TGFB1I1: variants seen among roughly 807,000 people sequenced by gnomAD.
TGFB1I1 encodes transforming growth factor beta 1 induced transcript 1, also known as transforming growth factor beta-1-induced transcript 1 protein.
A neutral mutation model predicts 52.0 loss-of-function variants in TGFB1I1; 33 were observed. The ratio of observed to expected loss-of-function variants is 0.63; its 90% CI spans 0.48 to 0.85. The LOEUF (loss-of-function observed/expected upper bound fraction) is 0.85, where lower values mean the gene tolerates loss of function less well. Ranked by LOEUF, TGFB1I1 falls within the 40% of genes least tolerant of loss-of-function variation. The pLI is 0.00. For synonymous variants in TGFB1I1, 236 were observed against 253.3 expected (o/e 0.93, Z 0.65); for missense variants, 577 against 614.9 (o/e 0.94, Z 0.65).
chr16:31,476,373 TCTCCCC>T lies in TGFB1I1; in HGVS notation c.889-100_889-95del. On this transcript the variant is annotated intron_variant, in intron 8 of 10. Transcript: ENST00000394863. The surrounding 1 kb of genome is among the most constrained non-coding windows in gnomAD (Gnocchi z 7.6). ...GACCCCCACGTTCCTAGTTAGATCT[TCTCCCC>T]CTCCCCCCACGCATGCCTTAGTCCA... is the stretch of plus-strand genomic sequence containing the variant. 1 of 1,275,728 alleles carries T rather than the reference TCTCCCC, an allele frequency of 7.8e-7. No individual in the cohort carries two copies. The highest frequency in any genetic ancestry group is 1.1e-6 in the Non-Finnish European group (1 of 915,890). 79.0% of individuals were successfully genotyped at this position (1,275,728 alleles called of 1,614,324 possible). A position where few individuals can be genotyped will look rare whatever the true frequency, so the allele number is the denominator to read the frequency against.
In TGFB1I1 at chr16:31,477,032, G is replaced by A. The variant is rs932207389; in HGVS notation, c.1119+22G>A. On this transcript the variant is annotated intron_variant, in intron 10 of 10. Transcript: ENST00000394863. This position sits in a 1 kb window ranked among gnomAD's most constrained non-coding sequence, Gnocchi z 4.7. ...CAGGGTGCGAGCTGCGGGGCGGGGC[G>A]TTGGAGGGGCGGGTCAAGGGTACAG... 6.6e-7 allele frequency: 1 copy of A among 1,520,728 alleles called. No individual in the cohort carries two copies. The highest frequency in any genetic ancestry group is 8.9e-7 in the Non-Finnish European group (1 of 1,129,390). 94.2% of individuals were successfully genotyped at this position (1,520,728 alleles called of 1,614,324 possible). A position where few individuals can be genotyped will look rare whatever the true frequency, so the allele number is the denominator to read the frequency against.
At position 31,473,450 on chromosome 16, in the gene TGFB1I1, T is replaced by A. The variant is rs767968110; in HGVS notation, c.23T>A (p.Leu8His). Reference protein sequence around the residue: MEDLDALLSDLETTTSHM... With the variant: MEDLDALHSDLETTTSHM... The stretch of plus-strand genomic sequence containing the variant: ...TGGCCTCTTCCTGCAGATGCCCTGC[T>A]CTCTGACCTGGAGACTACCACCTCG... Residue 8 changes from leucine to histidine, a missense_variant, in exon 2 of 11, where the codon CTC becomes CAC. Leu to His is a moderately conservative substitution (Grantham distance 99). Around this residue, in one of 3 missense-constraint regions of TGFB1I1, gnomAD observed 113 missense variants for 123.9 expected, o/e 0.91. Coordinates refer to ENST00000394863, the MANE Select transcript of TGFB1I1 (RefSeq NM_001042454.3). The A allele has an allele frequency of 1.9e-6, 3 of 1,613,624 alleles. No individual in the cohort carries two copies. Among genetic ancestry groups the A allele is most frequent in the Non-Finnish European group, 2.5e-6 (3 of 1,179,854 alleles).
Position 31,476,925 on chromosome 16 carries a change from G to T in TGFB1I1, c.1034G>T (p.Arg345Leu), listed in dbSNP as rs1208466519. ...RRDFLQLFAP[R>L]CQGCQGPILD... ...GACTTCCTGCAGCTGTTCGCCCCGC[G>T]CTGCCAGGGCTGCCAGGGCCCCATC... is the stretch of plus-strand genomic sequence containing the variant. Residue 345 changes from arginine (R) to leucine (L), a missense_variant, in exon 10 of 11, where the codon CGC becomes CTC. Arg to Leu is a moderately radical substitution (Grantham distance 102). Around this residue, in one of 3 missense-constraint regions of TGFB1I1, gnomAD observed 456 missense variants for 461.6 expected, o/e 0.99. Transcript: ENST00000394863. This position sits in a 1 kb window ranked among gnomAD's most constrained non-coding sequence, Gnocchi z 7.6. 3.1e-6 allele frequency: 5 copies of T among 1,605,024 alleles called. No individual in the cohort carries two copies. Among genetic ancestry groups the T allele is most frequent in the Non-Finnish European group, 3.4e-6 (4 of 1,178,424 alleles).
In TGFB1I1 at chr16:31,476,883, G is replaced by A. The variant is rs2082427786; in HGVS notation, c.992G>A (p.Arg331His). The change falls in exon 10 of 11, where the codon CGC becomes CAC. Residue 331 changes from arginine (R) to histidine (H), a missense_variant. Physicochemically the swap from Arg to His is conservative, Grantham distance 29. This residue lies in a region of TGFB1I1 where 456 missense variants were observed against 461.6 expected (regional missense o/e 0.99). Transcript: ENST00000394863. The surrounding 1 kb of genome is among the most constrained non-coding windows in gnomAD (Gnocchi z 7.6). ...GDEGFHEREG[R>H]PYCRRDFLQL... ...CTAGGTTTCCACGAGCGCGAGGGCC[G>A]CCCCTACTGCCGCCGGGACTTCCTG... 1 of 1,611,050 alleles carries A rather than the reference G, an allele frequency of 6.2e-7. No homozygotes were observed. The highest frequency in any genetic ancestry group is 1.7e-4 in the Middle Eastern group (1 of 6,058).
rs2082434287 is a variant in TGFB1I1, at chr16:31,477,501, G to C, written c.1311G>C (p.Pro437=). The C allele has an allele frequency of 6.2e-7, 1 of 1,608,936 alleles. No individual in the cohort carries two copies. Among genetic ancestry groups the C allele is most frequent in the Non-Finnish European group, 8.5e-7 (1 of 1,178,270 alleles). The change falls in exon 11 of 11, where the codon CCG becomes CCC. Residue 437 remains proline, a synonymous_variant. Transcript: ENST00000394863. This position sits in a 1 kb window ranked among gnomAD's most constrained non-coding sequence, Gnocchi z 4.7. ...DHFTCTFCLR[P]LTKGSFQERA... ...TCACATGCACCTTCTGCCTGCGCCC[G>C]CTCACCAAGGGGTCCTTCCAGGAGC... is the stretch of plus-strand genomic sequence containing the variant.
At position 31,477,103 on chromosome 16, in the gene TGFB1I1, A is replaced by AGGGGGCGGGCCCTCGG. The variant is rs1447117254; in HGVS notation, c.1119+103_1119+118dup. 7 of 334,910 alleles carry AGGGGGCGGGCCCTCGG rather than the reference A, an allele frequency of 2.1e-5. No homozygotes were observed. In the African/African-American group the frequency reaches 2.3e-4, roughly 11 times the overall value. 20.7% of individuals were successfully genotyped at this position (334,910 alleles called of 1,614,324 possible). ...GAGGGGCGGGTCAAGGGTGCAGGGC[A>AGGGGGCGGGCCCTCGG]GGGGGCGGGCCCTCGGGGGGGCGGG... On this transcript the variant is annotated intron_variant, in intron 10 of 10. Transcript: ENST00000394863. The surrounding 1 kb of genome is among the most constrained non-coding windows in gnomAD (Gnocchi z 4.7).
At chr16:31,472,359 TCTCCCTTCCTGCCTTTCCTGGGCCGGCCG>T in intron 1 of TGFB1I1, 158 bp downstream of exon 1, 1 of 1,210,686 alleles carries the variant, frequency 8.3e-7, no homozygotes, top group Non-Finnish European at 1.1e-6. Context: ...CCTTCCTGCC[TCTCCCTTCCTGCCTTTCCTGGGCCGGCCG>T]CTCCCTCCCT....
In TGFB1I1 at chr16:31,472,195, G is replaced by A; in HGVS notation, c.7G>A (p.Asp3Asn). 7.4e-6 allele frequency: 11 copies of A among 1,495,790 alleles called. No individual in the cohort carries two copies. The highest frequency in any genetic ancestry group is 9.8e-6 in the Non-Finnish European group (11 of 1,123,164). The allele number at this position is 1,495,790 out of a possible 1,614,324, so 92.7% of individuals were successfully genotyped here. A position where few individuals can be genotyped will look rare whatever the true frequency, so the allele number is the denominator to read the frequency against. Residue 3 changes from aspartate to asparagine, a missense_variant, in exon 1 of 11, where the codon GAC (aspartate) becomes AAC (asparagine). Asp to Asn is a conservative substitution (Grantham distance 23). Around this residue, in one of 3 missense-constraint regions of TGFB1I1, gnomAD observed 113 missense variants for 123.9 expected, o/e 0.91. Transcript: ENST00000394863. ME[D>N]LDALLSDLET... ...CACCGGCCCGCGCCCCGCCATGGAG[G>A]ACCTGGGTGAGTGGGGCCGGATCCC... is the stretch of plus-strand genomic sequence containing the variant.
intron 1 of TGFB1I1, 23 bp downstream of exon 1, chr16:31,472,224 G>T: frequency 6.7e-7 from 1 of 1,488,830 alleles, no homozygotes; most frequent in South Asian, 1.3e-5. Flanking sequence ...GGATCCCCGG[G>T]TCCGTGGCCC....
At chr16:31,475,116 C>A in intron 7 of TGFB1I1, 1 of 272,800 alleles carries the variant, frequency 3.7e-6, no homozygotes, top group Non-Finnish European at 7.1e-6. Flanking sequence ...ACTGGGTTCA[C>A]TGGTCCTTGT....
intron 1 of TGFB1I1, chr16:31,473,148 G>A (rs2082400921): frequency 8.6e-7 from 1 of 1,161,312 alleles, no homozygotes; most frequent in Non-Finnish European, 1.1e-6. Flanking sequence ...GCAATTTGGA[G>A]GGGAGCCAAA....
In TGFB1I1 at chr16:31,477,904, A is replaced by C; in HGVS notation, c.*328A>C. 1 of 409,344 alleles carries C rather than the reference A, an allele frequency of 2.4e-6. No homozygotes were observed. Among genetic ancestry groups the C allele is most frequent in the East Asian group, 4.3e-5 (1 of 23,404 alleles). 25.4% of individuals were successfully genotyped at this position (409,344 alleles called of 1,614,324 possible). ...AGGCCAGGACGTCCTTGCTCCCTGC[A>C]CCCTCACTGTTCTGTGCACTTTTTC... On this transcript the variant is annotated 3_prime_UTR_variant, in exon 11 of 11. Transcript: ENST00000394863. The surrounding 1 kb of genome is among the most constrained non-coding windows in gnomAD (Gnocchi z 4.7).
chr16:31,475,884 G>C, intron 7 of TGFB1I1, 128 bp from the exon 8 acceptor site: 1 of 1,028,826 alleles, frequency 9.7e-7, no homozygotes, highest in African/African-American at 1.6e-5. Flanking sequence ...TACAGGCTGC[G>C]TGATCTCGAA....
Position 31,477,677 on chromosome 16 carries a change from C to A in TGFB1I1, c.*101C>A. 7.1e-7 allele frequency: 1 copy of A among 1,417,018 alleles called. No homozygotes were observed. The highest frequency in any genetic ancestry group is 9.3e-7 in the Non-Finnish European group (1 of 1,075,186). 87.8% of individuals were successfully genotyped at this position (1,417,018 alleles called of 1,614,324 possible). ...TTGCTCTCAGAGCGGGAGGCCCCAC[C>A]CACTGGAGAGCCCCGCCCCTAAGGT... On this transcript the variant is annotated 3_prime_UTR_variant, in exon 11 of 11. Transcript: ENST00000394863. The surrounding 1 kb of genome is among the most constrained non-coding windows in gnomAD (Gnocchi z 4.7).
chr16:31,473,307 T>C, intron 1 of TGFB1I1, 134 bp from the exon 2 acceptor site: 1 of 1,444,314 alleles, frequency 6.9e-7, no homozygotes, highest in Non-Finnish European at 9.1e-7. Flanking sequence ...CGAGCAGTGC[T>C]CTGCCTGGCT....
At position 31,474,519 on chromosome 16, in the gene TGFB1I1, TCTG is replaced by T; in HGVS notation, c.520-38_520-36del. 6.2e-7 allele frequency: 1 copy of T among 1,612,548 alleles called. No homozygotes were observed. The highest frequency in any genetic ancestry group is 8.5e-7 in the Non-Finnish European group (1 of 1,178,976). ...CCAACCCCTTCTAGACAATTCCACATCTGCTGCTTTGCTGACTCAATTCTCATG... is the reference window on the plus strand; with the variant it reads ...CCAACCCCTTCTAGACAATTCCACATCTGCTTTGCTGACTCAATTCTCATG... On this transcript the variant is annotated intron_variant, in intron 6 of 10. Transcript: ENST00000394863. This position sits in a 1 kb window ranked among gnomAD's most constrained non-coding sequence, Gnocchi z 4.2.
chr16:31,476,458 G>A lies in TGFB1I1; in HGVS notation c.889-23G>A, dbSNP rs1388588639. 6.2e-7 allele frequency: 1 copy of A among 1,605,142 alleles called. No individual in the cohort carries two copies. Among genetic ancestry groups the A allele is most frequent in the Non-Finnish European group, 8.5e-7 (1 of 1,176,058 alleles). On this transcript the variant is annotated intron_variant, in intron 8 of 10. Transcript: ENST00000394863. The surrounding 1 kb of genome is among the most constrained non-coding windows in gnomAD (Gnocchi z 7.6). Reference sequence around the variant, plus strand: ...GGCGCGAAGGCACGGAGGCCGCGCTGAGTGCCCTCTCCCTCCCTGCAGAAG... The same window carrying A: ...GGCGCGAAGGCACGGAGGCCGCGCTAAGTGCCCTCTCCCTCCCTGCAGAAG...
rs201816619 is a variant in TGFB1I1 at position 31,474,436 on chromosome 16, A to G, written c.500A>G (p.Asp167Gly). 4.3e-6 allele frequency: 7 copies of G among 1,614,088 alleles called. No homozygotes were observed. In the African/African-American group the frequency reaches 6.7e-5, roughly 15 times the overall value. Reference protein sequence around the residue: ...ELDRLMASLSDFRVQNHLPAS... With the variant: ...ELDRLMASLSGFRVQNHLPAS... The stretch of plus-strand genomic sequence containing the variant: ...GATAGACTGATGGCCTCACTCTCTG[A>G]CTTCCGCGTTCAAAACCATGTGAGT... Residue 167 changes from aspartate to glycine, a missense_variant, in exon 6 of 11, where the codon GAC (aspartate) becomes GGC (glycine). By Grantham distance (94) the Asp-to-Gly change is moderately conservative. Transcript: ENST00000394863. The surrounding 1 kb of genome is among the most constrained non-coding windows in gnomAD (Gnocchi z 4.2).
intron 7 of TGFB1I1, chr16:31,475,019 C>CATCTG (rs1460984362): frequency 6.2e-6 from 3 of 486,950 alleles, no homozygotes; most frequent in African/African-American, 5.9e-5. Flanking sequence ...ACCCTCATCT[C>CATCTG]ATCTGATCTT....
Sources: allele counts gnomAD v4.1 joint callset, GRCh38; gene constraint gnomAD v4.1.1; regional missense constraint gnomAD v4.1.1; non-coding constraint Gnocchi (gnomAD v3.1); transcripts MANE v1.5; gene names NCBI Gene and HGNC (gene_info 2026-07-23, HGNC 2026-07-21).